GCNT1: variants seen among roughly 807,000 people sequenced by gnomAD.
The protein encoded by GCNT1 is beta-1,3-galactosyl-O-glycosyl-glycoprotein beta-1,6-N-acetylglucosaminyltransferase.
Under a neutral mutation model 26.2 loss-of-function variants are expected in GCNT1, and 16 were observed. The ratio of observed to expected loss-of-function variants is 0.61; its 90% CI spans 0.41 to 0.93. The LOEUF is 0.93. Among genes scored for constraint, GCNT1 ranks in the 40% least tolerant of loss-of-function variants. GCNT1 has a pLI of 0.00. For synonymous variants in GCNT1, 183 were observed against 190.8 expected (o/e 0.96, Z 0.34); for missense variants, 477 against 526.7 (o/e 0.91, Z 0.92).
At chr9:76,483,473 G>C (rs1405935381) in intron 2 of GCNT1, among the ~76,000 whole-genome samples, 1 of 151,760 alleles carries the variant, frequency 6.6e-6, no homozygotes, top group East Asian at 1.9e-4. Flanking sequence ...AGAGTGCAGT[G>C]GTGCAATCAT....
At chr9:76,416,504 CT>C (rs1823134371), upstream of GCNT1, among the ~76,000 whole-genome samples, 1 of 152,216 alleles carries the variant, frequency 6.6e-6, no homozygotes, top group African/African-American at 2.4e-5. Context: ...TAACACACCC[CT>C]AGATGCTGCC....
At chr9:76,452,113 C>G (rs1037682885) in intron 1 of GCNT1, among the ~76,000 whole-genome samples, 3 of 151,900 alleles carry the variant, frequency 2.0e-5, no homozygotes, top group African/African-American at 7.3e-5. Context: ...GGATTACAGG[C>G]CCCTGCCACC....
At chr9:76,432,501 G>A (rs1050395036) in intron 1 of GCNT1, among the ~76,000 whole-genome samples, 5 of 151,382 alleles carry the variant, frequency 3.3e-5, no homozygotes, top group Non-Finnish European at 7.4e-5. Flanking sequence ...CACCATGTCT[G>A]GCTTATTTTT....
At chr9:76,445,648 C>T (rs1294713311) in intron 1 of GCNT1, among the ~76,000 whole-genome samples, 4 of 151,394 alleles carry the variant, frequency 2.6e-5, no homozygotes, top group Non-Finnish European at 5.9e-5. Flanking sequence ...CCGCCTTGGC[C>T]TCCCTCAGTT....
chr9:76,398,318 G>A, the GCNT1 span, among the ~76,000 whole-genome samples: 1 of 152,210 alleles, frequency 6.6e-6, no homozygotes. Context: ...ATGAAAAGAT[G>A]TTCAACATCA....
intron 2 of GCNT1, among the ~76,000 whole-genome samples, chr9:76,482,540 C>T (rs35426412): frequency 0.031 from 4,643 of 151,910 alleles, 88 homozygotes; most frequent in Non-Finnish European, 0.047. Flanking sequence ...AGGAGAATGG[C>T]GTGAACCCAG....
the GCNT1 span, chr9:76,398,582 G>A: frequency 1.9e-5 from 13 of 681,692 alleles, no homozygotes; most frequent in South Asian, 1.6e-5. Context: ...AATCAAATGA[G>A]GTGAAAACTT....
intron 2 of GCNT1, among the ~76,000 whole-genome samples, chr9:76,487,027 G>A: frequency 6.6e-6 from 1 of 152,208 alleles, no homozygotes; most frequent in Admixed American, 6.5e-5. Flanking sequence ...TGTTCAGTGT[G>A]AGACCACAGA....
At chr9:76,394,371 G>T in the GCNT1 span, 1 of 502,696 alleles carries the variant, frequency 2.0e-6, no homozygotes, top group Non-Finnish European at 3.5e-6. Flanking sequence ...AAATACCGCC[G>T]GGCGCCTGAG....
intron 1 of GCNT1, among the ~76,000 whole-genome samples, chr9:76,434,300 G>A (rs1003687669): frequency 3.3e-5 from 5 of 152,172 alleles, no homozygotes; most frequent in Non-Finnish European, 5.9e-5. Context: ...GCTAGAGAGA[G>A]CTCTCTGAGC....
At chr9:76,473,762 C>T (rs1824192972) in intron 2 of GCNT1, among the ~76,000 whole-genome samples, 1 of 152,202 alleles carries the variant, frequency 6.6e-6, no homozygotes, top group African/African-American at 2.4e-5. Context: ...GAGCTGAAAT[C>T]ATTGCCACTG....
At chr9:76,399,165 A>C in the GCNT1 span, 1 of 1,469,194 alleles carries the variant, frequency 6.8e-7, no homozygotes, top group South Asian at 1.1e-5. Flanking sequence ...CCTATGCGCT[A>C]TGTGGACATT....
intron 1 of GCNT1, among the ~76,000 whole-genome samples, chr9:76,443,981 GGAAGGAA>G (rs1263769246): frequency 2.8e-4 from 34 of 122,290 alleles, no homozygotes; most frequent in African/African-American, 1.0e-3. Context: ...AAGGAAGGAA[GGAAGGAA>G]GGAAGAAAAA....
At position 76,504,054 on chromosome 9, in the gene GCNT1, A is replaced by G. The variant is rs971443215; in HGVS notation, c.*386A>G. The G allele has an allele frequency of 9.6e-6, 2 of 208,530 alleles. No individual in the cohort carries two copies. The highest frequency in any genetic ancestry group is 4.6e-5 in the African/African-American group (2 of 43,296). 12.9% of individuals were successfully genotyped at this position (208,530 alleles called of 1,614,324 possible). ...GCCAAAACTATTTTGAGAATTTTAA[A>G]TGTGACCATTTTTCTGGTATGAATA... On this transcript the variant is annotated 3_prime_UTR_variant, in exon 4 of 4. Coordinates refer to ENST00000376730, the MANE Select transcript of GCNT1 (RefSeq NM_001490.5).
the GCNT1 span, among the ~76,000 whole-genome samples, chr9:76,403,402 C>G: frequency 6.6e-6 from 1 of 152,174 alleles, no homozygotes; most frequent in Non-Finnish European, 1.5e-5. Context: ...AAAAACTATG[C>G]AAATGCAATG....
chr9:76,500,134 C>T (rs1271518134), intron 2 of GCNT1, among the ~76,000 whole-genome samples: 1 of 145,818 alleles, frequency 6.9e-6, no homozygotes, highest in Non-Finnish European at 1.5e-5. Context: ...CTTTGCATGC[C>T]TTGTAATTTT....
At chr9:76,473,454 C>T (rs1298666839) in intron 2 of GCNT1, among the ~76,000 whole-genome samples, 4 of 152,060 alleles carry the variant, frequency 2.6e-5, no homozygotes, top group Non-Finnish European at 5.9e-5. Flanking sequence ...TACCCTTAGA[C>T]ATGAGCTCAG....
At chr9:76,394,420 A>C in the GCNT1 span, 5 of 417,580 alleles carry the variant, frequency 1.2e-5, no homozygotes, top group East Asian at 4.4e-5. Flanking sequence ...AGACAGCCGA[A>C]GTAAGTGCCG....
In GCNT1 at chr9:76,503,941, A is replaced by G; in HGVS notation, c.*273A>G. 2.2e-6 allele frequency: 1 copy of G among 446,686 alleles called. No homozygotes were observed. Among genetic ancestry groups the G allele is most frequent in the Non-Finnish European group, 4.3e-6 (1 of 235,272 alleles). 27.7% of individuals were successfully genotyped at this position (446,686 alleles called of 1,614,324 possible). ...TAGCAAGGCATTGTGGAAAGAGGGG[A>G]CCAGGGTGGCTGGGGAAGAGGCCGA... On this transcript the variant is annotated 3_prime_UTR_variant, in exon 4 of 4. Transcript: ENST00000376730.
Sources: gnomAD v4.1 joint callset for allele counts (sites outside exome capture counted in the v4.1 genomes callset) on GRCh38, gnomAD v4.1.1 for gene constraint, MANE v1.5 for transcripts, NCBI Gene and HGNC (gene_info 2026-07-23, HGNC 2026-07-21) for gene names.